Variants in TYR observed in about 807,000 individuals in gnomAD.
TYR encodes the protein LB24-AB.
A neutral mutation model predicts 51.5 loss-of-function variants in TYR; 58 were observed. That is an observed-to-expected ratio of 1.13 (90% CI 0.91 to 1.40). The LOEUF (loss-of-function observed/expected upper bound fraction) is 1.40, where lower values mean the gene tolerates loss of function less well. Among genes scored for constraint, TYR ranks in the 40% most tolerant of loss-of-function variants. The pLI, the probability that TYR is intolerant of heterozygous loss-of-function variation, is 0.00. For missense variants in TYR, 732 were observed against 647.4 expected, an observed-to-expected ratio of 1.13 and a Z score of -1.42; for synonymous variants, 263 against 235.2, an observed-to-expected ratio of 1.12 and a Z score of -1.08.
intron 3 of TYR, among the ~76,000 whole-genome samples, chr11:89,231,170 CA>C (rs1156577257): frequency 0.035 from 2,316 of 65,532 alleles, 30 homozygotes; most frequent in African/African-American, 0.11. Flanking sequence ...GACTTCGTCT[CA>C]AAAAAAAAAA....
intron 3 of TYR, among the ~76,000 whole-genome samples, chr11:89,280,847 T>A (rs186166934): frequency 6.6e-6 from 1 of 151,680 alleles, no homozygotes; most frequent in Non-Finnish European, 1.5e-5. Context: ...TGTTTAAATG[T>A]TTGTCCTAGT....
At chr11:89,199,163 T>A in intron 2 of TYR, among the ~76,000 whole-genome samples, 1 of 152,196 alleles carries the variant, frequency 6.6e-6, no homozygotes, top group Non-Finnish European at 1.5e-5. Flanking sequence ...TCTATCATTG[T>A]TGTACATTTG....
chr11:89,281,743 C>G (rs1274632987), intron 3 of TYR, among the ~76,000 whole-genome samples: 1 of 151,738 alleles, frequency 6.6e-6, no homozygotes, highest in Non-Finnish European at 1.5e-5. Context: ...TGACCAGAGT[C>G]TTTACATGTC....
intron 2 of TYR, among the ~76,000 whole-genome samples, chr11:89,199,029 T>A (rs937727963): frequency 6.6e-6 from 1 of 152,136 alleles, no homozygotes; most frequent in African/African-American, 2.4e-5. Context: ...TTTGTCCTTG[T>A]GATAGTTTGC....
At chr11:89,196,499 T>C (rs1444458943) in intron 2 of TYR, among the ~76,000 whole-genome samples, 1 of 152,182 alleles carries the variant, frequency 6.6e-6, no homozygotes, top group Non-Finnish European at 1.5e-5. Context: ...TGGCTGCCTA[T>C]AGTAGGTGCT....
At chr11:89,281,098 G>A (rs1351813993) in intron 3 of TYR, among the ~76,000 whole-genome samples, 1 of 151,538 alleles carries the variant, frequency 6.6e-6, no homozygotes, top group African/African-American at 2.4e-5. Flanking sequence ...AGTGCATTGG[G>A]GCTTCACAAT....
chr11:89,239,956 A>G (rs1263678720), intron 3 of TYR, among the ~76,000 whole-genome samples: 1 of 152,218 alleles, frequency 6.6e-6, no homozygotes, highest in Non-Finnish European at 1.5e-5. Context: ...GTGTCTAACC[A>G]TATGATCTAT....
intron 2 of TYR, chr11:89,200,499 A>G (rs1467167980): frequency 1.3e-5 from 2 of 152,178 alleles, no homozygotes; most frequent in East Asian, 3.8e-4. Context: ...CTCTTACAAT[A>G]TATGAAAAAT....
chr11:89,183,479 A>G lies in TYR; in HGVS notation c.819+4707A>G, dbSNP rs1265311794. On this transcript the variant is annotated intron_variant, in intron 1 of 4. Transcript: ENST00000263321. ...CATGTTTTGTGTGTGTGCTAATAGG[A>G]GGATTAAATGGAATGGGAAACAGAA... Among the ~76,000 whole-genome samples the G allele has an allele frequency of 2.0e-5, 3 of 152,190 alleles. No individual in the cohort carries two copies. The East Asian group carries it at 5.8e-4, about 29-fold the overall frequency.
intron 3 of TYR, among the ~76,000 whole-genome samples, chr11:89,267,990 G>A (rs913255910): frequency 9.2e-5 from 14 of 151,894 alleles, no homozygotes; most frequent in Non-Finnish European, 1.6e-4. Context: ...TTTAATGGGA[G>A]TACTTTTGTA....
chr11:89,213,116 G>C (rs1803760836), intron 2 of TYR, among the ~76,000 whole-genome samples: 1 of 152,148 alleles, frequency 6.6e-6, no homozygotes, highest in African/African-American at 2.4e-5. Context: ...AAGAAAAAAA[G>C]GATATTGAAA....
intron 3 of TYR, among the ~76,000 whole-genome samples, chr11:89,282,218 G>A (rs193035761): frequency 1.3e-5 from 2 of 151,844 alleles, no homozygotes; most frequent in Admixed American, 1.3e-4. Flanking sequence ...TTGAACTATA[G>A]AAGTAATTTT....
At chr11:89,265,382 T>C (rs974134164) in intron 3 of TYR, among the ~76,000 whole-genome samples, 35 of 152,062 alleles carry the variant, frequency 2.3e-4, no homozygotes, top group African/African-American at 7.7e-4. Context: ...TCAGAATTCC[T>C]CTGCCTTCGC....
chr11:89,295,491 A>G lies in TYR; in HGVS notation c.*125A>G. 7.9e-7 allele frequency: 1 copy of G among 1,266,562 alleles called. No homozygotes were observed. Among genetic ancestry groups the G allele is most frequent in the East Asian group, 2.5e-5 (1 of 39,668 alleles). The allele number at this position is 1,266,562 out of a possible 1,614,324, so 78.5% of individuals were successfully genotyped here. ...AGACCATTTGCAAAATTGTAACCTA[A>G]TACAAAGTGTAGCCTTCTTCCAACT... On this transcript the variant is annotated 3_prime_UTR_variant, in exon 5 of 5. Transcript: ENST00000263321.
At chr11:89,188,643 C>G (rs1218316321) in intron 1 of TYR, among the ~76,000 whole-genome samples, 1 of 152,036 alleles carries the variant, frequency 6.6e-6, no homozygotes, top group Non-Finnish European at 1.5e-5. Context: ...CTTTTGCTAG[C>G]TAGTGCTAAC....
intron 3 of TYR, among the ~76,000 whole-genome samples, chr11:89,242,378 G>A (rs1184670859): frequency 8.6e-6 from 1 of 116,396 alleles, no homozygotes; most frequent in Non-Finnish European, 1.8e-5. Context: ...CAGCTAATTT[G>A]GGCATTTTTT....
intron 3 of TYR, among the ~76,000 whole-genome samples, chr11:89,264,691 A>G (rs1280227904): frequency 1.3e-5 from 2 of 151,860 alleles, no homozygotes; most frequent in Non-Finnish European, 2.9e-5. Flanking sequence ...GATAGACTGA[A>G]TAAAGAAAAT....
intron 1 of TYR, among the ~76,000 whole-genome samples, chr11:89,185,676 A>T (rs1943362042): frequency 1.3e-5 from 2 of 152,114 alleles, no homozygotes; most frequent in South Asian, 4.1e-4. Context: ...ACCTGTTGTG[A>T]ACAGTCAATG....
At chr11:89,261,711 G>C (rs2135307505) in intron 3 of TYR, among the ~76,000 whole-genome samples, 1 of 152,048 alleles carries the variant, frequency 6.6e-6, no homozygotes, top group African/African-American at 2.4e-5. Flanking sequence ...AGACCTAACA[G>C]ATATTTATAG....
Sources: gnomAD v4.1 joint callset for allele counts (sites outside exome capture counted in the v4.1 genomes callset) on GRCh38, gnomAD v4.1.1 for gene constraint, MANE v1.5 for transcripts, NCBI Gene and HGNC (gene_info 2026-07-23, HGNC 2026-07-21) for gene names.